The following BMERB1 variants were observed in gnomAD, a reference collection of about 807,000 sequenced individuals.
The protein encoded by BMERB1 is bMERB domain containing 1, also known as bMERB domain-containing protein 1.
A neutral mutation model predicts 23.6 loss-of-function variants in BMERB1; 12 were observed. The observed-to-expected ratio is 0.51, with a 90% confidence interval of 0.33 to 0.82. The LOEUF is 0.82. BMERB1 is among the 40% of genes least tolerant of loss of function. The pLI is 0.03. For missense variants in BMERB1, 247 were observed against 255.4 expected, an observed-to-expected ratio of 0.97 and a Z score of 0.22; for synonymous variants, 122 against 96.6, an observed-to-expected ratio of 1.26 and a Z score of -1.54.
intron 2 of BMERB1, among the ~76,000 whole-genome samples, chr16:15,545,291 G>T (rs2052123213): frequency 6.6e-6 from 1 of 152,018 alleles, no homozygotes. Flanking sequence ...TCTAATAAGT[G>T]CTTTCTAACA....
At position 15,451,552 on chromosome 16, in the gene BMERB1, CTTTTTTTTTTTTT is replaced by C. The variant is rs35544766; in HGVS notation, c.106+16805_106+16817del. On this transcript the variant is annotated intron_variant, in intron 1 of 5. Coordinates refer to ENST00000300006, the MANE Select transcript of BMERB1 (RefSeq NM_033201.3). ...ACATACTGGGTCACTCTTAGTATTT[CTTTTTTTTTTTTT>C]TTTTTTTTTTTGAGACAGGAGCTCA... Among the ~76,000 whole-genome samples, 3 of 84,024 alleles carry C rather than the reference CTTTTTTTTTTTTT, an allele frequency of 3.6e-5. No homozygotes were observed. In the Admixed American group the frequency reaches 4.8e-4, roughly 13 times the overall value. 55.1% of individuals were successfully genotyped at this position (84,024 alleles called of 152,430 possible).
intron 2 of BMERB1, among the ~76,000 whole-genome samples, chr16:15,516,475 A>G (rs1240718248): frequency 6.6e-6 from 1 of 152,150 alleles, no homozygotes; most frequent in African/African-American, 2.4e-5. Flanking sequence ...TAAAATGAAA[A>G]AGTTTTTTTA....
At chr16:15,488,902 CAAAAA>C (rs769821665) in intron 1 of BMERB1, among the ~76,000 whole-genome samples, 8 of 57,756 alleles carry the variant, frequency 1.4e-4, no homozygotes, top group South Asian at 5.9e-4. Context: ...ACTGCATATG[CAAAAA>C]AAAAAAAAAA....
chr16:15,442,309 G>A (rs1269340162), intron 1 of BMERB1, among the ~76,000 whole-genome samples: 1 of 150,662 alleles, frequency 6.6e-6, no homozygotes, highest in Non-Finnish European at 1.5e-5. Context: ...CAGCCTGGGC[G>A]ACAGAGTGAG....
chr16:15,460,869 C>G (rs1017034918), intron 1 of BMERB1, among the ~76,000 whole-genome samples: 8 of 152,124 alleles, frequency 5.3e-5, no homozygotes, highest in African/African-American at 1.7e-4. Context: ...TGGCTCACAC[C>G]TGTAGTCCCA....
At chr16:15,450,306 G>A (rs1254514531) in intron 1 of BMERB1, among the ~76,000 whole-genome samples, 2 of 151,964 alleles carry the variant, frequency 1.3e-5, no homozygotes, top group Non-Finnish European at 1.5e-5. Flanking sequence ...ACAGCCATTT[G>A]AAAATGTAGA....
At chr16:15,557,740 A>G (rs2030304249) in intron 2 of BMERB1, among the ~76,000 whole-genome samples, 1 of 152,182 alleles carries the variant, frequency 6.6e-6, no homozygotes, top group East Asian at 1.9e-4. Context: ...TACTTAAGTC[A>G]TAAGGACATT....
At chr16:15,524,920 A>G (rs1449179657) in intron 2 of BMERB1, among the ~76,000 whole-genome samples, 1 of 152,096 alleles carries the variant, frequency 6.6e-6, no homozygotes, top group Non-Finnish European at 1.5e-5. Context: ...TGCTCAGAGG[A>G]CCACCTCTGA....
At chr16:15,463,638 T>C (rs926350260) in intron 1 of BMERB1, among the ~76,000 whole-genome samples, 1 of 152,144 alleles carries the variant, frequency 6.6e-6, no homozygotes, top group African/African-American at 2.4e-5. Context: ...CAGTGTAGCC[T>C]TAACAATGAA....
At chr16:15,435,314 C>T (rs1466399884) in intron 1 of BMERB1, among the ~76,000 whole-genome samples, 2 of 152,222 alleles carry the variant, frequency 1.3e-5, no homozygotes, top group Admixed American at 1.3e-4. Context: ...AAAAGGCACA[C>T]ACCGTTCTCT....
intron 2 of BMERB1, among the ~76,000 whole-genome samples, chr16:15,537,556 G>A (rs1174617837): frequency 4.6e-5 from 7 of 151,578 alleles, no homozygotes; most frequent in Admixed American, 3.3e-4. Context: ...GTTTCACCAT[G>A]TTGGCCAGGC....
chr16:15,481,395 T>C (rs1235457584), intron 1 of BMERB1, among the ~76,000 whole-genome samples: 2 of 151,898 alleles, frequency 1.3e-5, no homozygotes, highest in Non-Finnish European at 2.9e-5. Flanking sequence ...GGTGTGGTGG[T>C]GGGCACCTGT....
At chr16:15,448,396 C>T (rs1334844237) in intron 1 of BMERB1, among the ~76,000 whole-genome samples, 2 of 152,154 alleles carry the variant, frequency 1.3e-5, no homozygotes, top group East Asian at 3.9e-4. Context: ...AAGGGAGAAA[C>T]CCATAGTAGT....
rs530263705 is a variant in BMERB1 at position 15,481,353 on chromosome 16, C to T, written c.107-33952C>T. On this transcript the variant is annotated intron_variant, in intron 1 of 5. Coordinates refer to ENST00000300006, the MANE Select transcript of BMERB1 (RefSeq NM_033201.3). ...CATCCTGGCTAACACGGTGAAACCC[C>T]GTCTCTGCTAAAAATACAAAAAAAT... Among the ~76,000 whole-genome samples, 604 of 152,100 alleles carry T rather than the reference C, an allele frequency of 4.0e-3. 4 individuals are homozygous for T. The highest frequency in any genetic ancestry group is 4.3e-3 in the Non-Finnish European group (291 of 67,972).
At chr16:15,493,146 A>C (rs2051438425) in intron 1 of BMERB1, among the ~76,000 whole-genome samples, 1 of 152,126 alleles carries the variant, frequency 6.6e-6, no homozygotes, top group African/African-American at 2.4e-5. Context: ...TGAGTTCAGG[A>C]GTTCAAGACC....
intron 2 of BMERB1, among the ~76,000 whole-genome samples, chr16:15,539,022 G>C (rs1031814977): frequency 1.3e-5 from 2 of 152,124 alleles, no homozygotes; most frequent in African/African-American, 4.8e-5. Context: ...ATGGTTTTGA[G>C]ATGATTCAAG....
chr16:15,461,689 A>G (rs2051137168), intron 1 of BMERB1, among the ~76,000 whole-genome samples: 1 of 152,076 alleles, frequency 6.6e-6, no homozygotes, highest in Admixed American at 6.6e-5. Flanking sequence ...TTGGGAGGAC[A>G]AGGCAGGTGG....
intron 1 of BMERB1, among the ~76,000 whole-genome samples, chr16:15,455,375 G>A (rs576401149): frequency 6.6e-6 from 1 of 151,602 alleles, no homozygotes; most frequent in Non-Finnish European, 1.5e-5. Flanking sequence ...CAGTGTGTTG[G>A]GTATGACAAC....
Position 15,568,755 on chromosome 16 carries a change from A to G in BMERB1, c.304+699A>G, listed in dbSNP as rs1047403904. Reference sequence around the variant, plus strand: ...CCAGTAAATATTAGCAATTATGACCATTATTATCCTACTTGGGAACAGATG... The same window carrying G: ...CCAGTAAATATTAGCAATTATGACCGTTATTATCCTACTTGGGAACAGATG... On this transcript the variant is annotated intron_variant, in intron 3 of 5. Transcript: ENST00000300006. 4.6e-5 allele frequency among the ~76,000 whole-genome samples: 7 copies of G among 152,224 alleles called. 1 individual carries two copies. The highest frequency in any genetic ancestry group is 3.9e-4 in the Admixed American group (6 of 15,284).
Sources: gnomAD v4.1 joint callset for allele counts (sites outside exome capture counted in the v4.1 genomes callset) on GRCh38, gnomAD v4.1.1 for gene constraint, MANE v1.5 for transcripts, NCBI Gene and HGNC (gene_info 2026-07-23, HGNC 2026-07-21) for gene names.